FAM163A: variants seen among roughly 807,000 people sequenced by gnomAD.
FAM163A encodes the protein family with sequence similarity 163 member A.
A neutral mutation model predicts 12.0 loss-of-function variants in FAM163A; 7 were observed. The observed-to-expected ratio is 0.58, with a 90% confidence interval of 0.33 to 1.10. FAM163A has a LOEUF of 1.10. FAM163A is among the 50% of genes least tolerant of loss of function. The pLI, the probability that FAM163A is intolerant of heterozygous loss-of-function variation, is 0.03. For synonymous variants in FAM163A, 101 were observed against 91.0 expected, an observed-to-expected ratio of 1.11 and a Z score of -0.62; for missense variants, 202 against 218.6, an observed-to-expected ratio of 0.92 and a Z score of 0.48.
chr1:179,780,792 T>C (rs12125434), intron 1 of FAM163A, among the ~76,000 whole-genome samples: 30,673 of 152,172 alleles, frequency 0.2, 3,850 homozygotes, highest in Non-Finnish European at 0.27. Flanking sequence ...CCTGACAAAA[T>C]AAGGTTCTTG....
chr1:179,813,082 A>G lies in FAM163A; in HGVS notation c.-16A>G, dbSNP rs955522048. ...CCTCCGCACATCTTTGCAGAGTTTGATGGGGCGCCGGGCGGATGACAGCGG... is the reference window on the plus strand; with the variant it reads ...CCTCCGCACATCTTTGCAGAGTTTGGTGGGGCGCCGGGCGGATGACAGCGG... On this transcript the variant is annotated 5_prime_UTR_variant, in exon 4 of 5. An upstream start codon of the reference 5' UTR is lost. Coordinates refer to ENST00000341785, the MANE Select transcript of FAM163A (RefSeq NM_173509.3). The G allele has an allele frequency of 1.9e-5, 30 of 1,551,294 alleles. No individual in the cohort carries two copies. The highest frequency in any genetic ancestry group is 2.4e-5 in the Non-Finnish European group (28 of 1,146,868).
At chr1:179,759,886 T>G (rs1197787006) in intron 1 of FAM163A, among the ~76,000 whole-genome samples, 1 of 152,080 alleles carries the variant, frequency 6.6e-6, no homozygotes, top group Admixed American at 6.5e-5. Flanking sequence ...AGGCTGGTCT[T>G]GAACTCCTGA....
chr1:179,764,094 C>T (rs1421834478), intron 1 of FAM163A, among the ~76,000 whole-genome samples: 2 of 152,214 alleles, frequency 1.3e-5, no homozygotes. Flanking sequence ...ACCAATCAAG[C>T]ACTCTTCCCA....
At chr1:179,740,909 T>G (rs1248331784), upstream of FAM163A, among the ~76,000 whole-genome samples, 1 of 152,210 alleles carries the variant, frequency 6.6e-6, no homozygotes, top group African/African-American at 2.4e-5. Context: ...GAAGGGTACT[T>G]GCAATCTCTC....
At chr1:179,768,794 C>CG (rs1270145794) in intron 1 of FAM163A, among the ~76,000 whole-genome samples, 2 of 151,374 alleles carry the variant, frequency 1.3e-5, no homozygotes, top group Admixed American at 1.3e-4. Flanking sequence ...TTAGTAGAGA[C>CG]GGGGTTTCAC....
chr1:179,750,231 T>C (rs1397614135), intron 1 of FAM163A, among the ~76,000 whole-genome samples: 1 of 152,168 alleles, frequency 6.6e-6, no homozygotes, highest in African/African-American at 2.4e-5. Context: ...GATACAATGT[T>C]GGAGGCAGGG....
intron 1 of FAM163A, among the ~76,000 whole-genome samples, chr1:179,765,900 A>G (rs1379955192): frequency 6.6e-6 from 1 of 152,098 alleles, no homozygotes; most frequent in African/African-American, 2.4e-5. Flanking sequence ...CTGGGCCTCC[A>G]GGCTCCCTAC....
At chr1:179,753,826 A>C (rs557731160) in intron 1 of FAM163A, among the ~76,000 whole-genome samples, 7 of 152,348 alleles carry the variant, frequency 4.6e-5, no homozygotes, top group Admixed American at 2.6e-4. Context: ...ACAGTAGAGA[A>C]AGATGATAAT....
intron 1 of FAM163A, among the ~76,000 whole-genome samples, chr1:179,789,898 G>A (rs1053093925): frequency 6.6e-6 from 1 of 152,210 alleles, no homozygotes; most frequent in South Asian, 2.1e-4. Flanking sequence ...TGGCAGAAGA[G>A]TAGGACTAGG....
At chr1:179,787,347 G>A (rs1411091786) in intron 1 of FAM163A, among the ~76,000 whole-genome samples, 1 of 152,190 alleles carries the variant, frequency 6.6e-6, no homozygotes, top group Non-Finnish European at 1.5e-5. Context: ...GTGCCAGCAT[G>A]CAATGTGTTC....
intron 1 of FAM163A, among the ~76,000 whole-genome samples, chr1:179,764,628 G>A (rs947989285): frequency 2.0e-5 from 3 of 152,106 alleles, no homozygotes; most frequent in South Asian, 2.1e-4. Context: ...CTCGGTCCTC[G>A]GCAAACCAGG....
intron 4 of FAM163A, among the ~76,000 whole-genome samples, 183 bp downstream of exon 4, chr1:179,813,373 G>T (rs1694966897): frequency 6.6e-6 from 1 of 152,198 alleles, no homozygotes; most frequent in Admixed American, 6.5e-5. Context: ...GTGCCCCCCA[G>T]CCTGCCCACT....
At chr1:179,802,538 A>G (rs1019781894) in intron 1 of FAM163A, among the ~76,000 whole-genome samples, 2 of 152,212 alleles carry the variant, frequency 1.3e-5, no homozygotes, top group African/African-American at 2.4e-5. Flanking sequence ...GGTAACAAAC[A>G]TCTTCACATG....
chr1:179,732,487 C>G, the FAM163A span, among the ~76,000 whole-genome samples: 3 of 152,142 alleles, frequency 2.0e-5, no homozygotes, highest in Non-Finnish European at 4.4e-5. Flanking sequence ...CAAAGTACAC[C>G]ATGCCCAGCC....
chr1:179,744,055 T>C (rs1390503938), intron 1 of FAM163A, among the ~76,000 whole-genome samples: 1 of 152,026 alleles, frequency 6.6e-6, no homozygotes, highest in Non-Finnish European at 1.5e-5. Flanking sequence ...TTGCTGGTGA[T>C]TTTTCCGAAG....
intron 1 of FAM163A, among the ~76,000 whole-genome samples, chr1:179,770,010 G>A (rs948790835): frequency 2.8e-5 from 4 of 142,002 alleles, no homozygotes; most frequent in Admixed American, 1.5e-4. Flanking sequence ...GGTTCACACC[G>A]TTCTCCTGCC....
At chr1:179,809,763 G>C (rs1694446915) in intron 2 of FAM163A, among the ~76,000 whole-genome samples, 1 of 152,186 alleles carries the variant, frequency 6.6e-6, no homozygotes. Context: ...GTCACTCCTA[G>C]ACCTCTCTGT....
At position 179,813,059 on chromosome 1, in the gene FAM163A, T is replaced by TCC; in HGVS notation, c.-22-16_-22-15dup. The stretch of plus-strand genomic sequence containing the variant: ...TGCAGCCACAGCTGGTCCTCAGCCC[T>TCC]CCGCACATCTTTGCAGAGTTTGATG... On this transcript the variant is annotated splice_polypyrimidine_tract_variant and intron_variant, in intron 3 of 4. Coordinates refer to ENST00000341785, the MANE Select transcript of FAM163A (RefSeq NM_173509.3). The TCC allele has an allele frequency of 1.3e-6, 2 of 1,549,964 alleles. No homozygotes were observed. The highest frequency in any genetic ancestry group is 1.7e-6 in the Non-Finnish European group (2 of 1,145,696).
chr1:179,798,646 C>A (rs1692729289), intron 1 of FAM163A, among the ~76,000 whole-genome samples: 1 of 152,198 alleles, frequency 6.6e-6, no homozygotes, highest in Admixed American at 6.5e-5. Flanking sequence ...CTGCCTTGTC[C>A]CACTCTAGAC....
Sources: allele counts gnomAD v4.1 joint callset (sites outside exome capture counted in the v4.1 genomes callset), GRCh38; gene constraint gnomAD v4.1.1; transcripts MANE v1.5; gene names NCBI Gene and HGNC (gene_info 2026-07-23, HGNC 2026-07-21).